The following TRIM44 variants were observed in gnomAD, a reference collection of about 807,000 sequenced individuals.
TRIM44 encodes the protein tripartite motif containing 44, also known as tripartite motif-containing protein 44.
TRIM44 carries 13 observed loss-of-function variants against 37.4 expected under a neutral mutation model. The ratio of observed to expected loss-of-function variants is 0.35; its 90% CI spans 0.23 to 0.55. The LOEUF is 0.55. Among genes scored for constraint, TRIM44 ranks in the 20% least tolerant of loss-of-function variants. The pLI is 0.89. For missense variants in TRIM44, 426 were observed against 437.2 expected (o/e 0.97, Z 0.23); for synonymous variants, 175 against 157.2 (o/e 1.11, Z -0.85).
intron 4 of TRIM44, among the ~76,000 whole-genome samples, chr11:35,773,670 G>A (rs1399075674): frequency 6.6e-6 from 1 of 151,998 alleles, no homozygotes; most frequent in Non-Finnish European, 1.5e-5. Flanking sequence ...CCCACCCTGT[G>A]TCCAAGCATT....
At chr11:35,673,836 C>G (rs1851428413) in intron 1 of TRIM44, among the ~76,000 whole-genome samples, 1 of 152,066 alleles carries the variant, frequency 6.6e-6, no homozygotes. Flanking sequence ...GACCACCACT[C>G]TTGACAGGGA....
intron 4 of TRIM44, among the ~76,000 whole-genome samples, chr11:35,783,691 A>G (rs1356900865): frequency 1.3e-5 from 2 of 152,144 alleles, no homozygotes; most frequent in Non-Finnish European, 2.9e-5. Flanking sequence ...TGTAGCAGAT[A>G]GAATGTTTTG....
intron 1 of TRIM44, among the ~76,000 whole-genome samples, chr11:35,673,047 A>G (rs1249212073): frequency 6.6e-6 from 1 of 152,224 alleles, no homozygotes; most frequent in Non-Finnish European, 1.5e-5. Context: ...CTTAACCTGT[A>G]AAAAGTCTTG....
intron 4 of TRIM44, among the ~76,000 whole-genome samples, chr11:35,741,839 A>G (rs779297681): frequency 1.1e-4 from 16 of 152,182 alleles, no homozygotes; most frequent in Admixed American, 7.2e-4. Context: ...CCTTAGGGAT[A>G]TGGATATAAC....
intron 1 of TRIM44, among the ~76,000 whole-genome samples, chr11:35,674,573 G>T (rs1326022594): frequency 2.6e-5 from 4 of 152,044 alleles, no homozygotes; most frequent in African/African-American, 9.7e-5. Flanking sequence ...GTAATAATTG[G>T]TTTTTAACAT....
At chr11:35,685,691 T>C (rs1851567193) in intron 2 of TRIM44, among the ~76,000 whole-genome samples, 1 of 151,662 alleles carries the variant, frequency 6.6e-6, no homozygotes, top group Non-Finnish European at 1.5e-5. Flanking sequence ...TGAGACAGAG[T>C]CTCGCTCTGT....
intron 2 of TRIM44, among the ~76,000 whole-genome samples, chr11:35,707,034 C>A (rs1244424847): frequency 3.3e-5 from 5 of 152,304 alleles, no homozygotes; most frequent in African/African-American, 1.2e-4. Context: ...AGCCCAAAAT[C>A]TCCTTAAGCT....
chr11:35,730,911 G>A lies in TRIM44; in HGVS notation c.988-4515G>A, dbSNP rs140323638. On this transcript the variant is annotated intron_variant, in intron 3 of 4. Coordinates refer to ENST00000299413, the MANE Select transcript of TRIM44 (RefSeq NM_017583.6). The stretch of plus-strand genomic sequence containing the variant: ...GTCGCCCAGGCTGGAGTGCAGTGGC[G>A]TGATCTCGGCTCACTGCAGATATTA... Among the ~76,000 whole-genome samples the A allele has an allele frequency of 1.8e-3, 271 of 147,214 alleles. 1 individual carries two copies. Among genetic ancestry groups the A allele is most frequent in the African/African-American group, 6.4e-3 (255 of 39,696 alleles).
At chr11:35,780,312 A>G (rs1228339065) in intron 4 of TRIM44, among the ~76,000 whole-genome samples, 1 of 152,188 alleles carries the variant, frequency 6.6e-6, no homozygotes, top group Non-Finnish European at 1.5e-5. Flanking sequence ...AGAAGAGAAG[A>G]ATAAATCTCT....
At chr11:35,776,147 G>T (rs2133868836) in intron 4 of TRIM44, among the ~76,000 whole-genome samples, 1 of 152,240 alleles carries the variant, frequency 6.6e-6, no homozygotes, top group East Asian at 1.9e-4. Context: ...CAATTTCAGA[G>T]CCTGTTATTG....
intron 4 of TRIM44, among the ~76,000 whole-genome samples, chr11:35,750,608 A>G (rs1012524652): frequency 1.3e-5 from 2 of 152,170 alleles, no homozygotes; most frequent in African/African-American, 4.8e-5. Context: ...TCTTAACCCC[A>G]TCACATAAAT....
At chr11:35,788,882 A>G (rs1489564883) in intron 4 of TRIM44, among the ~76,000 whole-genome samples, 1 of 152,208 alleles carries the variant, frequency 6.6e-6, no homozygotes, top group Non-Finnish European at 1.5e-5. Context: ...CTGAACATAA[A>G]CTAAGTTGTT....
intron 4 of TRIM44, among the ~76,000 whole-genome samples, chr11:35,793,233 A>T (rs530684197): frequency 1.2e-4 from 19 of 152,054 alleles, no homozygotes; most frequent in Admixed American, 1.1e-3. Context: ...AAATAAAAAG[A>T]CACTATTGGG....
Position 35,707,189 on chromosome 11 carries a change from A to G in TRIM44, c.748-18735A>G, listed in dbSNP as rs559305067. ...TTGCTTCAAAGAGAATACAATACCTAGGAATCCAACTTACAAGGGACGTGA... is the reference window on the plus strand; with the variant it reads ...TTGCTTCAAAGAGAATACAATACCTGGGAATCCAACTTACAAGGGACGTGA... On this transcript the variant is annotated intron_variant, in intron 2 of 4. Transcript: ENST00000299413. Among the ~76,000 whole-genome samples, 413 of 152,346 alleles carry G rather than the reference A, an allele frequency of 2.7e-3. 4 individuals are homozygous for G. Among genetic ancestry groups the G allele is most frequent in the South Asian group, 0.011 (51 of 4,826 alleles).
chr11:35,714,309 A>G (rs1274496711), intron 2 of TRIM44, among the ~76,000 whole-genome samples: 3 of 152,144 alleles, frequency 2.0e-5, no homozygotes, highest in African/African-American at 4.8e-5. Flanking sequence ...TTTTGTGTTA[A>G]GTTTAGAAAA....
chr11:35,785,779 T>C (rs1310246130), intron 4 of TRIM44, among the ~76,000 whole-genome samples: 2 of 152,198 alleles, frequency 1.3e-5, no homozygotes, highest in East Asian at 3.9e-4. Context: ...TTGCATCAAT[T>C]CATCCTACAC....
chr11:35,724,589 A>C (rs1282770325), intron 2 of TRIM44, among the ~76,000 whole-genome samples: 1 of 152,228 alleles, frequency 6.6e-6, no homozygotes, highest in Non-Finnish European at 1.5e-5. Context: ...AGGAAACATC[A>C]ATAAATACAG....
chr11:35,693,643 C>A (rs1023223873), intron 2 of TRIM44, among the ~76,000 whole-genome samples: 1 of 152,090 alleles, frequency 6.6e-6, no homozygotes, highest in African/African-American at 2.4e-5. Context: ...CAATGGCCTC[C>A]CATAGTTTTG....
At position 35,759,124 on chromosome 11, in the gene TRIM44, C is replaced by CT. The variant is rs552756526; in HGVS notation, c.1007+23682dup. Among the ~76,000 whole-genome samples the CT allele has an allele frequency of 1.8e-3, 281 of 152,338 alleles. 2 individuals are homozygous for CT. Among genetic ancestry groups the CT allele is most frequent in the African/African-American group, 6.5e-3 (270 of 41,580 alleles). ...CAACTTGGTTCCATTCTCCCCGTCA[C>CT]TTTCAGGTACACCAGTGAGACACAG... On this transcript the variant is annotated intron_variant, in intron 4 of 4. Coordinates refer to ENST00000299413, the MANE Select transcript of TRIM44 (RefSeq NM_017583.6).
Sources: allele counts gnomAD v4.1 joint callset (sites outside exome capture counted in the v4.1 genomes callset), GRCh38; gene constraint gnomAD v4.1.1; transcripts MANE v1.5; gene names NCBI Gene and HGNC (gene_info 2026-07-23, HGNC 2026-07-21).